Variants in XPNPEP3 observed in about 807,000 individuals in gnomAD.
XPNPEP3 encodes X-prolyl aminopeptidase 3.
A neutral mutation model predicts 60.0 loss-of-function variants in XPNPEP3; 41 were observed. The observed-to-expected ratio is 0.68, with a 90% CI of 0.53 to 0.89. The LOEUF (loss-of-function observed/expected upper bound fraction) is 0.89. XPNPEP3 is among the 40% of genes least tolerant of loss of function. The pLI, the probability that XPNPEP3 is intolerant of heterozygous loss-of-function variation, is 0.00. For missense variants in XPNPEP3, 598 were observed against 638.9 expected (o/e 0.94, Z 0.69); for synonymous variants, 212 against 223.2 (o/e 0.95, Z 0.45).
intron 4 of XPNPEP3, among the ~76,000 whole-genome samples, chr22:40,894,256 G>C (rs994743485): frequency 2.0e-5 from 3 of 152,138 alleles, no homozygotes; most frequent in Non-Finnish European, 4.4e-5. Context: ...AAAGCAAAGA[G>C]AGAATATTAT....
chr22:40,926,815 G>T lies in XPNPEP3; in HGVS notation c.*380G>T. 1 of 307,758 alleles carries T rather than the reference G, an allele frequency of 3.2e-6. No homozygotes were observed. The highest frequency in any genetic ancestry group is 2.9e-5 in the South Asian group (1 of 34,514). 19.1% of individuals were successfully genotyped at this position (307,758 alleles called of 1,614,324 possible). A position where few individuals can be genotyped will look rare whatever the true frequency, so the allele number is the denominator to read the frequency against. The stretch of plus-strand genomic sequence containing the variant: ...CCTTCCCTTTCTATACTTTTGCTGA[G>T]ATCAACCCAATATCATAAGAAGTTT... On this transcript the variant is annotated 3_prime_UTR_variant, in exon 10 of 10. Transcript: ENST00000357137.
At chr22:40,914,101 C>T in intron 6 of XPNPEP3, 138 bp from the exon 7 acceptor site, 4 of 701,650 alleles carry the variant, frequency 5.7e-6, no homozygotes, top group South Asian at 1.5e-5. Flanking sequence ...GAGATCACAC[C>T]ATTGCACTCC....
chr22:40,890,493 C>T (rs764838708), intron 4 of XPNPEP3, among the ~76,000 whole-genome samples: 22 of 152,028 alleles, frequency 1.4e-4, no homozygotes, highest in Non-Finnish European at 4.4e-5. Context: ...GAGATGTGAT[C>T]GTGCCACTGC....
chr22:40,860,927 A>T, intron 1 of XPNPEP3: 1 of 868,344 alleles, frequency 1.2e-6, no homozygotes, highest in Non-Finnish European at 1.7e-6. Flanking sequence ...CATTCAAAAA[A>T]ACTACTAACC....
At chr22:40,885,137 G>GTAGGACATAGAATCACA (rs1430891103) in intron 3 of XPNPEP3, among the ~76,000 whole-genome samples, 2 of 152,052 alleles carry the variant, frequency 1.3e-5, no homozygotes, top group Non-Finnish European at 2.9e-5. Flanking sequence ...ATGAAAATAT[G>GTAGGACATAGAATCACA]TAGGACATAG....
chr22:40,903,571 A>C (rs1362565554), intron 4 of XPNPEP3, among the ~76,000 whole-genome samples: 1 of 151,356 alleles, frequency 6.6e-6, no homozygotes, highest in Non-Finnish European at 1.5e-5. Flanking sequence ...GCTCACTGCA[A>C]CCTCCGCCTC....
chr22:40,863,593 T>C (rs1367913235), intron 1 of XPNPEP3, among the ~76,000 whole-genome samples: 3 of 152,218 alleles, frequency 2.0e-5, no homozygotes, highest in African/African-American at 7.2e-5. Flanking sequence ...AAAACTCAAT[T>C]TAAATTCTCT....
chr22:40,885,933 G>T (rs1414241606), intron 3 of XPNPEP3, among the ~76,000 whole-genome samples: 1 of 152,180 alleles, frequency 6.6e-6, no homozygotes, highest in Non-Finnish European at 1.5e-5. Context: ...AGTGAGCTGA[G>T]ATTGTGCCAC....
At position 40,857,299 on chromosome 22, in the gene XPNPEP3, G is replaced by A. The variant is rs908444937; in HGVS notation, c.64+54G>A. On this transcript the variant is annotated intron_variant, in intron 1 of 9. Coordinates refer to ENST00000357137, the MANE Select transcript of XPNPEP3 (RefSeq NM_022098.4). Reference sequence around the variant, plus strand: ...CATGGTGTCCCCTGGAGGGACCCAAGTTGGTCTCAGGCGATCCCTGGTTCG... The same window carrying A: ...CATGGTGTCCCCTGGAGGGACCCAAATTGGTCTCAGGCGATCCCTGGTTCG... 9 of 1,602,672 alleles carry A rather than the reference G, an allele frequency of 5.6e-6. No homozygotes were observed. The Admixed American group carries it at 1.5e-4, about 27-fold the overall frequency.
At chr22:40,871,620 A>T (rs971075319) in intron 2 of XPNPEP3, among the ~76,000 whole-genome samples, 6 of 152,130 alleles carry the variant, frequency 3.9e-5, no homozygotes, top group Non-Finnish European at 8.8e-5. Context: ...GCCACTGTTG[A>T]GAGGATTTTG....
At chr22:40,912,386 C>T (rs923342836) in intron 6 of XPNPEP3, among the ~76,000 whole-genome samples, 2 of 152,194 alleles carry the variant, frequency 1.3e-5, no homozygotes, top group East Asian at 1.9e-4. Flanking sequence ...TACTTCTACT[C>T]TTCCTAAGAC....
At chr22:40,873,409 T>C (rs545206030) in intron 2 of XPNPEP3, among the ~76,000 whole-genome samples, 1 of 151,994 alleles carries the variant, frequency 6.6e-6, no homozygotes, top group African/African-American at 2.4e-5. Context: ...GGCCCACTTC[T>C]TGGTTTTCAA....
chr22:40,879,358 A>G (rs908862772), intron 2 of XPNPEP3, among the ~76,000 whole-genome samples: 1 of 152,218 alleles, frequency 6.6e-6, no homozygotes, highest in African/African-American at 2.4e-5. Context: ...TATTTTATTA[A>G]TGGAATACAA....
chr22:40,913,401 G>A (rs1463275760), intron 6 of XPNPEP3, among the ~76,000 whole-genome samples: 1 of 148,084 alleles, frequency 6.8e-6, no homozygotes, highest in Middle Eastern at 3.5e-3. Flanking sequence ...TCACACCACT[G>A]CACTCCAGCC....
intron 7 of XPNPEP3, among the ~76,000 whole-genome samples, chr22:40,920,005 A>C (rs1334293465): frequency 6.6e-6 from 1 of 152,188 alleles, no homozygotes; most frequent in Non-Finnish European, 1.5e-5. Flanking sequence ...ATGATGTTCT[A>C]GATTTGGCAA....
intron 4 of XPNPEP3, among the ~76,000 whole-genome samples, chr22:40,899,684 T>TG (rs370233432): frequency 7.0e-4 from 106 of 151,836 alleles, no homozygotes; most frequent in African/African-American, 2.5e-3. Context: ...CTGGATGTGG[T>TG]GGTGGGCGCC....
At position 40,909,138 on chromosome 22, in the gene XPNPEP3, G is replaced by A. The variant is rs1569029219; in HGVS notation, c.872G>A (p.Arg291Gln). Residue 291 changes from arginine to glutamine, a missense_variant, in exon 6 of 10, where the codon CGG becomes CAG. By Grantham distance (43) the Arg-to-Gln change is conservative. Transcript: ENST00000357137. ...TTTTCACAGTTTGAATTTGAATGCC[G>A]GGCTCGTGGCGCAGACATTTTAGCC... ...FLYAKFEFEC[R>Q]ARGADILAYP... The A allele has an allele frequency of 3.7e-6, 6 of 1,614,106 alleles. No individual in the cohort carries two copies. The highest frequency in any genetic ancestry group is 5.1e-6 in the Non-Finnish European group (6 of 1,180,026).
At chr22:40,910,396 G>A (rs1314319535) in intron 6 of XPNPEP3, among the ~76,000 whole-genome samples, 1 of 152,040 alleles carries the variant, frequency 6.6e-6, no homozygotes, top group African/African-American at 2.4e-5. Flanking sequence ...AGTTTGGAGG[G>A]ATTTTTTTTA....
intron 4 of XPNPEP3, among the ~76,000 whole-genome samples, chr22:40,895,677 T>C (rs1008021632): frequency 3.9e-5 from 6 of 152,042 alleles, no homozygotes; most frequent in Middle Eastern, 6.3e-3. Context: ...TTAAAAAAAA[T>C]TGAATTATAG....
Sources: allele counts gnomAD v4.1 joint callset (sites outside exome capture counted in the v4.1 genomes callset), GRCh38; gene constraint gnomAD v4.1.1; transcripts MANE v1.5; gene names NCBI Gene and HGNC (gene_info 2026-07-23, HGNC 2026-07-21).